CDH13: variants seen among roughly 807,000 people sequenced by gnomAD.
CDH13 encodes the protein cadherin 13.
CDH13 carries 24 observed loss-of-function variants against 63.8 expected under a neutral mutation model. The ratio of observed to expected loss-of-function variants is 0.38; its 90% CI spans 0.27 to 0.53. The LOEUF (loss-of-function observed/expected upper bound fraction) is 0.53. Among genes scored for constraint, CDH13 ranks in the 20% least tolerant of loss-of-function variants. The probability of loss-of-function intolerance (pLI) is 0.85; values close to 1 mark genes in which losing one functional copy is unlikely to be tolerated. For missense variants in CDH13, 1,049 were observed against 903.1 expected (o/e 1.16, Z -2.07); for synonymous variants, 503 against 355.3 (o/e 1.42, Z -4.67).
At chr16:82,971,744 T>TA (rs1179841723) in intron 2 of CDH13, among the ~76,000 whole-genome samples, 5 of 152,200 alleles carry the variant, frequency 3.3e-5, no homozygotes, top group Admixed American at 6.5e-5. Flanking sequence ...GAATTAAATG[T>TA]AAAAAAACAC....
chr16:82,882,511 T>G (rs1040164472), intron 2 of CDH13, among the ~76,000 whole-genome samples: 3 of 152,240 alleles, frequency 2.0e-5, no homozygotes, highest in African/African-American at 7.2e-5. Context: ...TGGTCACCGC[T>G]GCAGGGTAGG....
chr16:83,600,110 A>G (rs1442109630), intron 7 of CDH13, among the ~76,000 whole-genome samples: 1 of 152,158 alleles, frequency 6.6e-6, no homozygotes, highest in Non-Finnish European at 1.5e-5. Context: ...ACCAGCCAGG[A>G]GCAAAATTAC....
intron 12 of CDH13, 131 bp downstream of exon 12, chr16:83,780,332 A>G: frequency 1.6e-6 from 1 of 621,596 alleles, no homozygotes; most frequent in East Asian, 2.8e-5. Flanking sequence ...GGCATATTAT[A>G]AATACTGAGA....
intron 2 of CDH13, among the ~76,000 whole-genome samples, chr16:82,903,730 T>C (rs1478617959): frequency 6.6e-6 from 1 of 152,192 alleles, no homozygotes; most frequent in Non-Finnish European, 1.5e-5. Flanking sequence ...ATATATGTTA[T>C]CCCTCATGTG....
At chr16:82,664,343 T>G (rs8045995) in intron 1 of CDH13, among the ~76,000 whole-genome samples, 1 of 152,024 alleles carries the variant, frequency 6.6e-6, no homozygotes, top group African/African-American at 2.4e-5. Flanking sequence ...CTGACAGTGA[T>G]TTGCACTAGC....
chr16:82,903,471 C>T (rs939453352), intron 2 of CDH13, among the ~76,000 whole-genome samples: 4 of 152,228 alleles, frequency 2.6e-5, no homozygotes, highest in African/African-American at 4.8e-5. Context: ...TTATCCTCAT[C>T]GTTTCTTCCC....
At chr16:83,453,314 A>G (rs1330738859) in intron 6 of CDH13, among the ~76,000 whole-genome samples, 1 of 152,172 alleles carries the variant, frequency 6.6e-6, no homozygotes, top group Non-Finnish European at 1.5e-5. Flanking sequence ...AATTACCACT[A>G]AAGAACTTGC....
At chr16:82,753,629 C>T (rs774575452) in intron 1 of CDH13, among the ~76,000 whole-genome samples, 1 of 152,194 alleles carries the variant, frequency 6.6e-6, no homozygotes, top group Non-Finnish European at 1.5e-5. Context: ...TAATGAGAGG[C>T]ATGGACTTTG....
chr16:83,053,561 A>G (rs1358274439), intron 3 of CDH13, among the ~76,000 whole-genome samples: 1 of 152,182 alleles, frequency 6.6e-6, no homozygotes, highest in Non-Finnish European at 1.5e-5. Context: ...AAAGCAATAG[A>G]TATATGTTTC....
intron 2 of CDH13, among the ~76,000 whole-genome samples, chr16:82,975,595 A>G (rs190522062): frequency 6.6e-6 from 1 of 152,228 alleles, no homozygotes; most frequent in African/African-American, 2.4e-5. Flanking sequence ...ACAAATAATC[A>G]TCGTAATGAT....
At chr16:82,683,604 A>T (rs1238174608) in intron 1 of CDH13, among the ~76,000 whole-genome samples, 2 of 152,234 alleles carry the variant, frequency 1.3e-5, no homozygotes, top group African/African-American at 4.8e-5. Flanking sequence ...GGGTAAGAGA[A>T]TAAGGAATCA....
chr16:83,417,600 C>G (rs1222753555), intron 6 of CDH13, among the ~76,000 whole-genome samples: 1 of 152,126 alleles, frequency 6.6e-6, no homozygotes, highest in South Asian at 2.1e-4. Flanking sequence ...GATGTTGCAG[C>G]AAACAAACAC....
At chr16:83,098,506 G>C (rs1020148270) in intron 3 of CDH13, among the ~76,000 whole-genome samples, 4 of 152,234 alleles carry the variant, frequency 2.6e-5, no homozygotes, top group Non-Finnish European at 4.4e-5. Context: ...TTGGATGAAG[G>C]ACTATTGAAC....
chr16:83,259,111 A>G (rs1219822701), intron 5 of CDH13, among the ~76,000 whole-genome samples: 1 of 152,042 alleles, frequency 6.6e-6, no homozygotes, highest in Non-Finnish European at 1.5e-5. Context: ...AGAGCAGGGA[A>G]CCTCCTGCTG....
intron 3 of CDH13, among the ~76,000 whole-genome samples, chr16:83,091,186 C>T (rs2033889182): frequency 6.6e-6 from 1 of 151,556 alleles, no homozygotes. Context: ...CTTCTTCTTT[C>T]TTCCTTCTTT....
At chr16:83,188,931 G>A (rs1259683279) in intron 4 of CDH13, among the ~76,000 whole-genome samples, 7 of 152,084 alleles carry the variant, frequency 4.6e-5, no homozygotes, top group Admixed American at 4.6e-4. Flanking sequence ...CTTGGAGTGA[G>A]ACCCTTCAGG....
Position 82,786,394 on chromosome 16 carries a change from C to T in CDH13, c.46-71968C>T, listed in dbSNP as rs149346352. 3.2e-4 allele frequency among the ~76,000 whole-genome samples: 48 copies of T among 148,772 alleles called. No homozygotes were observed. The Middle Eastern group carries it at 0.014, about 43-fold the overall frequency. ...TTCCAAAAGTGTCTATGCCAGAGGG[C>T]TTACTTGCAATGATCCTTTGATCCT... On this transcript the variant is annotated intron_variant, in intron 1 of 13. Transcript: ENST00000567109.
chr16:83,343,200 A>G (rs2090765707), intron 5 of CDH13, among the ~76,000 whole-genome samples: 1 of 152,060 alleles, frequency 6.6e-6, no homozygotes, highest in South Asian at 2.1e-4. Flanking sequence ...TTATCTACCC[A>G]CACATACCTG....
chr16:82,961,713 A>G (rs1176898455), intron 2 of CDH13, among the ~76,000 whole-genome samples: 5 of 152,192 alleles, frequency 3.3e-5, no homozygotes, highest in Non-Finnish European at 1.5e-5. Context: ...AGGAATGAGA[A>G]CAAACTGGTC....
Sources: allele counts gnomAD v4.1 joint callset (sites outside exome capture counted in the v4.1 genomes callset), GRCh38; gene constraint gnomAD v4.1.1; transcripts MANE v1.5; gene names NCBI Gene and HGNC (gene_info 2026-07-23, HGNC 2026-07-21).